Variants in DGKI observed in about 807,000 individuals in gnomAD.
The protein encoded by DGKI is DAG kinase iota.
In DGKI, 55 loss-of-function variants were observed where a neutral mutation model predicts 147.5. The observed-to-expected ratio is 0.37, with a 90% CI of 0.30 to 0.47. The LOEUF (loss-of-function observed/expected upper bound fraction) is 0.47. DGKI is among the 20% of genes least tolerant of loss of function. DGKI has a pLI of 1.00. For missense variants in DGKI, 1,007 were observed against 1,323.8 expected, an observed-to-expected ratio of 0.76 and a Z score of 3.71; for synonymous variants, 469 against 477.1, an observed-to-expected ratio of 0.98 and a Z score of 0.22.
intron 3 of DGKI, among the ~76,000 whole-genome samples, chr7:137,672,744 C>G (rs949751883): frequency 1.5e-5 from 2 of 135,030 alleles, no homozygotes; most frequent in African/African-American, 5.5e-5. Flanking sequence ...GCCTTCTTCT[C>G]TGTGTGTGTG....
At chr7:137,696,868 A>G (rs1823807691) in intron 1 of DGKI, among the ~76,000 whole-genome samples, 1 of 152,144 alleles carries the variant, frequency 6.6e-6, no homozygotes, top group South Asian at 2.1e-4. Context: ...GGTCATTAGG[A>G]CAGGCCCCTA....
chr7:137,632,551 T>A (rs1821157809), intron 6 of DGKI, among the ~76,000 whole-genome samples: 1 of 152,124 alleles, frequency 6.6e-6, no homozygotes, highest in Non-Finnish European at 1.5e-5. Flanking sequence ...AGGTATCTAA[T>A]GGTCCCCTAT....
chr7:137,834,657 C>G (rs531491191), intron 1 of DGKI, among the ~76,000 whole-genome samples: 1 of 152,238 alleles, frequency 6.6e-6, no homozygotes, highest in Non-Finnish European at 1.5e-5. Context: ...TATTATGCAG[C>G]ACACTCTTAG....
At chr7:137,405,060 G>A (rs781675081) in intron 30 of DGKI, among the ~76,000 whole-genome samples, 14 of 152,128 alleles carry the variant, frequency 9.2e-5, no homozygotes, top group Non-Finnish European at 1.9e-4. Context: ...AGTAGAGAAA[G>A]TGAAAAGCTA....
intron 30 of DGKI, among the ~76,000 whole-genome samples, chr7:137,399,687 A>G (rs2128895279): frequency 6.6e-6 from 1 of 152,322 alleles, no homozygotes; most frequent in African/African-American, 2.4e-5. Context: ...AGGCGGGTGG[A>G]TCATTTGAGG....
chr7:137,455,644 G>GC (rs1451797727), intron 27 of DGKI, among the ~76,000 whole-genome samples: 2 of 123,246 alleles, frequency 1.6e-5, no homozygotes, highest in Admixed American at 9.2e-5. Context: ...AAAAAAGGGG[G>GC]GGGGGCGGGG....
At chr7:137,808,466 A>G (rs191861754) in intron 1 of DGKI, among the ~76,000 whole-genome samples, 1 of 152,186 alleles carries the variant, frequency 6.6e-6, no homozygotes, top group African/African-American at 2.4e-5. Context: ...ACCATCACAC[A>G]GTGCTGCCTC....
At position 137,407,934 on chromosome 7, in the gene DGKI, A is replaced by G; in HGVS notation, c.2861T>C (p.Leu954Pro). Reference sequence around the variant, plus strand: ...GCCGGTTTTAGCTGCGTAGTGAAGGAGTGAACAGTGGTCTGGTCCCTGAAT... The same window carrying G: ...GCCGGTTTTAGCTGCGTAGTGAAGGGGTGAACAGTGGTCTGGTCCCTGAAT... ...LLIQGPDHCS[L>P]LHYAAKTGNG... is the part of the protein sequence containing the mutation. Residue 954 changes from leucine to proline, a missense_variant, in exon 30 of 33, where the codon CTC becomes CCC. Coordinates refer to ENST00000614521, the MANE Select transcript of DGKI (RefSeq NM_001321708.2). The G allele has an allele frequency of 1.2e-5, 20 of 1,614,116 alleles. No homozygotes were observed. The highest frequency in any genetic ancestry group is 1.7e-5 in the Non-Finnish European group (20 of 1,179,968).
chr7:137,393,772 C>T (rs1006362050), intron 32 of DGKI, among the ~76,000 whole-genome samples: 1 of 152,112 alleles, frequency 6.6e-6, no homozygotes, highest in African/African-American at 2.4e-5. Context: ...CCAGGGACTT[C>T]AGAGAGCAAG....
chr7:137,843,810 G>C (rs1798629255), intron 1 of DGKI, among the ~76,000 whole-genome samples: 1 of 114,856 alleles, frequency 8.7e-6, no homozygotes, highest in African/African-American at 2.9e-5. Context: ...CTCTCCCAAA[G>C]CCCCCTTCTT....
intron 4 of DGKI, among the ~76,000 whole-genome samples, chr7:137,655,328 A>G (rs1378626830): frequency 6.6e-6 from 1 of 151,902 alleles, no homozygotes; most frequent in African/African-American, 2.4e-5. Context: ...CCTCCCGAGT[A>G]GCTGGGACTA....
intron 28 of DGKI, among the ~76,000 whole-genome samples, chr7:137,417,896 G>C (rs922126989): frequency 3.9e-5 from 6 of 152,150 alleles, no homozygotes; most frequent in African/African-American, 1.4e-4. Flanking sequence ...AGAGTAATTT[G>C]CTAGCACCTT....
At chr7:137,469,766 C>T (rs1814810206) in intron 23 of DGKI, 147 bp from the exon 24 acceptor site, 2 of 542,928 alleles carry the variant, frequency 3.7e-6, no homozygotes, top group Non-Finnish European at 6.1e-6. Context: ...CAAAGAAGGG[C>T]TCTTTTTTGA....
intron 28 of DGKI, among the ~76,000 whole-genome samples, chr7:137,422,088 A>G (rs1428227979): frequency 6.6e-6 from 1 of 152,270 alleles, no homozygotes; most frequent in Non-Finnish European, 1.5e-5. Flanking sequence ...TCAGAGCTGT[A>G]TATCAGCAAT....
intron 23 of DGKI, among the ~76,000 whole-genome samples, chr7:137,477,238 C>A (rs1815200454): frequency 6.6e-6 from 1 of 152,006 alleles, no homozygotes; most frequent in East Asian, 1.9e-4. Flanking sequence ...CAGGCAACCC[C>A]AACCCAGACA....
rs138963208 is a variant in DGKI at position 137,617,347 on chromosome 7, A to G, written c.993+2477T>C. On this transcript the variant is annotated intron_variant, in intron 8 of 32. Transcript: ENST00000614521. ...TAACAGGGGGTATTGTTCTATACTA[A>G]GGGAAGCTTAAGAACTACGTCAACA... is the stretch of plus-strand genomic sequence containing the variant. Among the ~76,000 whole-genome samples, 929 of 152,202 alleles carry G rather than the reference A, an allele frequency of 6.1e-3. 14 individuals carry two copies. Among genetic ancestry groups the G allele is most frequent in the African/African-American group, 0.021 (866 of 41,510 alleles).
At chr7:137,538,084 C>G (rs1817577344) in intron 20 of DGKI, among the ~76,000 whole-genome samples, 1 of 152,154 alleles carries the variant, frequency 6.6e-6, no homozygotes, top group African/African-American at 2.4e-5. Context: ...AATAGAATTA[C>G]AGAATTTTAG....
chr7:137,399,492 T>C (rs958476178), intron 30 of DGKI, among the ~76,000 whole-genome samples: 1 of 152,180 alleles, frequency 6.6e-6, no homozygotes, highest in Non-Finnish European at 1.5e-5. Flanking sequence ...TGTCCCTTCT[T>C]GGTTAAAAAT....
chr7:137,742,515 C>T (rs1175176864), intron 1 of DGKI, among the ~76,000 whole-genome samples: 1 of 152,144 alleles, frequency 6.6e-6, no homozygotes, highest in Non-Finnish European at 1.5e-5. Flanking sequence ...GCTCCCGTCA[C>T]TCCCACTCAC....
Sources: allele counts gnomAD v4.1 joint callset (sites outside exome capture counted in the v4.1 genomes callset), GRCh38; gene constraint gnomAD v4.1.1; transcripts MANE v1.5; gene names NCBI Gene and HGNC (gene_info 2026-07-23, HGNC 2026-07-21).